Variants in DIS3L2 observed in about 807,000 individuals in gnomAD.
DIS3L2 encodes the protein DIS3-like exonuclease 2.
A neutral mutation model predicts 97.5 loss-of-function variants in DIS3L2; 34 were observed. The ratio of observed to expected loss-of-function variants is 0.35; its 90% CI spans 0.27 to 0.46. DIS3L2 has a LOEUF of 0.46. Ranked by LOEUF, DIS3L2 falls within the 20% of genes least tolerant of loss-of-function variation. The probability of loss-of-function intolerance (pLI) is 1.00; values close to 1 mark genes in which losing one functional copy is unlikely to be tolerated. For missense variants in DIS3L2, 1,038 were observed against 1,146.0 expected, an observed-to-expected ratio of 0.91 and a Z score of 1.36; for synonymous variants, 435 against 445.2, an observed-to-expected ratio of 0.98 and a Z score of 0.29.
Position 232,014,946 on chromosome 2 carries a change from A to G in DIS3L2, c.19A>G (p.Arg7Gly), listed in dbSNP as rs2106220724. ...GCCAATAATGAGCCATCCTGACTAC[A>G]GAATGAACCTCCGGCCCCTGGGGAC... MSHPDY[R>G]MNLRPLGTPR... Residue 7 changes from arginine (R) to glycine (G), a missense_variant, in exon 2 of 21, where the codon AGA becomes GGA. Arg to Gly is a moderately radical substitution (Grantham distance 125). Transcript: ENST00000325385. 6.2e-7 allele frequency: 1 copy of G among 1,614,064 alleles called. No homozygotes were observed. Among genetic ancestry groups the G allele is most frequent in the Non-Finnish European group, 8.5e-7 (1 of 1,179,960 alleles).
At chr2:232,219,940 T>C (rs368136709) in intron 10 of DIS3L2, among the ~76,000 whole-genome samples, 1 of 152,160 alleles carries the variant, frequency 6.6e-6, no homozygotes, top group African/African-American at 2.4e-5. Context: ...TTTAGTTATA[T>C]TGGCAAATAG....
chr2:232,158,928 T>C (rs901870435), intron 8 of DIS3L2, among the ~76,000 whole-genome samples: 4 of 152,094 alleles, frequency 2.6e-5, no homozygotes, highest in African/African-American at 9.6e-5. Context: ...GTTATAAGTA[T>C]TCGTCTTGTA....
chr2:232,207,889 TTCTC>T (rs1000699891), intron 9 of DIS3L2, among the ~76,000 whole-genome samples: 3 of 152,194 alleles, frequency 2.0e-5, no homozygotes, highest in Admixed American at 6.5e-5. Context: ...TTAAGGAAGA[TTCTC>T]TATAGTTTTG....
At chr2:232,104,836 C>G (rs1403519692) in intron 6 of DIS3L2, among the ~76,000 whole-genome samples, 2 of 152,054 alleles carry the variant, frequency 1.3e-5, no homozygotes, top group Non-Finnish European at 2.9e-5. Context: ...GAGACAAAGA[C>G]TCAGAGGGTC....
intron 9 of DIS3L2, among the ~76,000 whole-genome samples, chr2:232,206,838 T>C (rs1453749106): frequency 2.0e-5 from 3 of 152,170 alleles, no homozygotes; most frequent in African/African-American, 7.2e-5. Flanking sequence ...TAGAAAGCAG[T>C]TGTGGGGGCT....
At chr2:232,287,930 A>T (rs923411613) in intron 13 of DIS3L2, among the ~76,000 whole-genome samples, 1 of 152,224 alleles carries the variant, frequency 6.6e-6, no homozygotes, top group Non-Finnish European at 1.5e-5. Context: ...AACCCCAGGT[A>T]TGGGCCCCAT....
intron 5 of DIS3L2, among the ~76,000 whole-genome samples, chr2:232,044,134 C>T (rs997723526): frequency 1.8e-5 from 2 of 112,116 alleles, no homozygotes; most frequent in Admixed American, 2.0e-4. Context: ...GGTGGTGTCA[C>T]ATTGTGAAAG....
At chr2:232,042,586 G>A (rs1340251118) in intron 5 of DIS3L2, among the ~76,000 whole-genome samples, 1 of 152,144 alleles carries the variant, frequency 6.6e-6, no homozygotes, top group Admixed American at 6.5e-5. Flanking sequence ...TATATACACA[G>A]CCTATTTTTA....
At chr2:232,267,025 A>G (rs17357071) in intron 13 of DIS3L2, among the ~76,000 whole-genome samples, 3,324 of 152,182 alleles carry the variant, frequency 0.022, 60 homozygotes, top group Middle Eastern at 0.054. Context: ...TGAGTTAGGG[A>G]CCTACTAGTT....
At chr2:232,057,171 A>G (rs1574842459) in intron 5 of DIS3L2, among the ~76,000 whole-genome samples, 1 of 152,278 alleles carries the variant, frequency 6.6e-6, no homozygotes, top group African/African-American at 2.4e-5. Flanking sequence ...ATAAGCATAA[A>G]ACTATAGTTT....
chr2:232,342,291 A>G (rs1349314133), intron 13 of DIS3L2, among the ~76,000 whole-genome samples: 1 of 152,016 alleles, frequency 6.6e-6, no homozygotes, highest in Non-Finnish European at 1.5e-5. Context: ...ACATATATGC[A>G]TATATACACA....
At chr2:232,099,253 T>C (rs933939016) in intron 6 of DIS3L2, among the ~76,000 whole-genome samples, 8 of 152,100 alleles carry the variant, frequency 5.3e-5, no homozygotes, top group Non-Finnish European at 1.0e-4. Context: ...TCTAGCTGTG[T>C]TGCCCAGGCT....
In DIS3L2 at chr2:232,281,461, A is replaced by G. The variant is rs957495952; in HGVS notation, c.1659+18021A>G. On this transcript the variant is annotated intron_variant, in intron 13 of 20. Coordinates refer to ENST00000325385, the MANE Select transcript of DIS3L2 (RefSeq NM_152383.5). The surrounding 1 kb of genome is among the most constrained non-coding windows in gnomAD (Gnocchi z 4.1). ...CAACTTGGTGCTGTTGAAGCATTTT[A>G]CATATAGGAGTTGTGGGATGGGACC... 2.6e-5 allele frequency among the ~76,000 whole-genome samples: 4 copies of G among 152,208 alleles called. No individual in the cohort carries two copies. Among genetic ancestry groups the G allele is most frequent in the African/African-American group, 9.6e-5 (4 of 41,464 alleles).
At chr2:232,272,608 T>C (rs2633254) in intron 13 of DIS3L2, among the ~76,000 whole-genome samples, 108,130 of 152,166 alleles carry the variant, frequency 0.71, 39,733 homozygotes, top group African/African-American at 0.89. Flanking sequence ...GAAATAGTCA[T>C]GCATATCAGA....
At chr2:232,042,371 A>G (rs1406670996) in intron 5 of DIS3L2, among the ~76,000 whole-genome samples, 1 of 151,894 alleles carries the variant, frequency 6.6e-6, no homozygotes, top group Non-Finnish European at 1.5e-5. Flanking sequence ...AATCTCTTAT[A>G]TAACCACTAT....
chr2:231,965,740 G>A (rs1309306204), intron 1 of DIS3L2, among the ~76,000 whole-genome samples: 1 of 152,132 alleles, frequency 6.6e-6, no homozygotes, highest in African/African-American at 2.4e-5. Flanking sequence ...CAAAACTATG[G>A]CTGTGACAAG....
chr2:232,181,942 G>A (rs544328908), intron 9 of DIS3L2, among the ~76,000 whole-genome samples: 34 of 152,108 alleles, frequency 2.2e-4, no homozygotes, highest in African/African-American at 6.7e-4. Context: ...GTGAGCCACC[G>A]TGCCCGGGCG....
At chr2:232,025,444 T>A (rs961906644) in intron 4 of DIS3L2, among the ~76,000 whole-genome samples, 1 of 152,190 alleles carries the variant, frequency 6.6e-6, no homozygotes, top group Admixed American at 6.6e-5. Context: ...TTCCCCTGCC[T>A]TCTGAAATCC....
At chr2:232,300,422 T>G (rs183859420) in intron 14 of DIS3L2, among the ~76,000 whole-genome samples, 1 of 152,194 alleles carries the variant, frequency 6.6e-6, no homozygotes, top group South Asian at 2.1e-4. Flanking sequence ...TCTCCAGTCA[T>G]GTGCCTGCTT....
Sources: allele counts gnomAD v4.1 joint callset (sites outside exome capture counted in the v4.1 genomes callset), GRCh38; gene constraint gnomAD v4.1.1; non-coding constraint Gnocchi (gnomAD v3.1); transcripts MANE v1.5; gene names NCBI Gene and HGNC (gene_info 2026-07-23, HGNC 2026-07-21).